The following SGK3 variants were observed in gnomAD, a reference collection of about 807,000 sequenced individuals.
SGK3 encodes serum/glucocorticoid regulated kinase family member 3, also known as serine/threonine-protein kinase Sgk3.
A neutral mutation model predicts 68.5 loss-of-function variants in SGK3; 47 were observed. The observed-to-expected ratio is 0.69, with a 90% CI of 0.54 to 0.87. SGK3 has a LOEUF of 0.87. Ranked by LOEUF, SGK3 falls within the 40% of genes least tolerant of loss-of-function variation. SGK3 has a pLI of 0.00. For missense variants in SGK3, 479 were observed against 575.5 expected (o/e 0.83, Z 1.72); for synonymous variants, 181 against 189.1 (o/e 0.96, Z 0.35).
chr8:66,776,020 C>T (rs774399349), intron 1 of SGK3, among the ~76,000 whole-genome samples: 13 of 152,168 alleles, frequency 8.5e-5, no homozygotes, highest in Non-Finnish European at 1.5e-4. Flanking sequence ...CCACAATAAA[C>T]TTTGGCTGTT....
At position 66,861,968 on chromosome 8, in the gene SGK3, C is replaced by T. The variant is rs897755174; in HGVS notation, c.*2387C>T. The T allele has an allele frequency of 7.9e-5, 12 of 152,094 alleles. No homozygotes were observed. The highest frequency in any genetic ancestry group is 2.7e-4 in the African/African-American group (11 of 41,484). The allele number at this position is 152,094 out of a possible 1,614,324, so 9.4% of individuals were successfully genotyped here. A position where few individuals can be genotyped will look rare whatever the true frequency, so the allele number is the denominator to read the frequency against. On this transcript the variant is annotated 3_prime_UTR_variant, in exon 17 of 17. Coordinates refer to ENST00000521198, the MANE Select transcript of SGK3 (RefSeq NM_001033578.3). ...TTTAAAATAGAATTTTGATGTTTCTCAGATCACAAGAAATACAAATCTATA... is the reference window on the plus strand; with the variant it reads ...TTTAAAATAGAATTTTGATGTTTCTTAGATCACAAGAAATACAAATCTATA...
intron 2 of SGK3, among the ~76,000 whole-genome samples, chr8:66,797,945 C>A (rs924330447): frequency 6.6e-6 from 1 of 151,782 alleles, no homozygotes; most frequent in African/African-American, 2.4e-5. Flanking sequence ...TATTTTGTAA[C>A]ATTTGAAAAA....
At chr8:66,857,799 ATGTGTGTGTGTGTG>A (rs111758415) in intron 16 of SGK3, among the ~76,000 whole-genome samples, 190 of 133,816 alleles carry the variant, frequency 1.4e-3, no homozygotes, top group African/African-American at 4.8e-3. Context: ...GTGTGTGTGT[ATGTGTGTGTGTGTG>A]TGTGTGTGTG....
intron 3 of SGK3, among the ~76,000 whole-genome samples, chr8:66,800,202 G>A (rs999620721): frequency 1.3e-5 from 2 of 151,496 alleles, no homozygotes; most frequent in Non-Finnish European, 2.9e-5. Flanking sequence ...TTAGCCAGGC[G>A]TGGTGGTGGG....
At chr8:66,755,929 C>T (rs939581398) in intron 1 of SGK3, among the ~76,000 whole-genome samples, 1 of 151,976 alleles carries the variant, frequency 6.6e-6, no homozygotes, top group African/African-American at 2.4e-5. Context: ...TCACAGAGAG[C>T]GAGAAGGAGT....
intron 6 of SGK3, 90 bp downstream of exon 6, chr8:66,822,549 A>AGTG: frequency 8.0e-7 from 1 of 1,242,964 alleles, no homozygotes; most frequent in Non-Finnish European, 1.1e-6. Flanking sequence ...AAATGAAGTA[A>AGTG]TTTCATCCAT....
At chr8:66,824,684 A>G (rs923065624) in intron 6 of SGK3, among the ~76,000 whole-genome samples, 13 of 152,236 alleles carry the variant, frequency 8.5e-5, no homozygotes, top group Non-Finnish European at 1.6e-4. Context: ...TAAAAACAAT[A>G]TTAGACTCAA....
At chr8:66,734,268 A>G (rs1585644792) in intron 1 of SGK3, among the ~76,000 whole-genome samples, 1 of 94,232 alleles carries the variant, frequency 1.1e-5, no homozygotes, top group South Asian at 3.5e-4. Flanking sequence ...GAAATGATGT[A>G]TGGTGTGATT....
chr8:66,751,646 A>G (rs1448047490), intron 1 of SGK3, among the ~76,000 whole-genome samples: 1 of 152,092 alleles, frequency 6.6e-6, no homozygotes, highest in Non-Finnish European at 1.5e-5. Flanking sequence ...ATCTATCTAC[A>G]CTTAATAAAT....
chr8:66,744,519 ATTTTTT>A (rs55684607), intron 1 of SGK3, among the ~76,000 whole-genome samples: 1 of 21,276 alleles, frequency 4.7e-5, no homozygotes, highest in East Asian at 1.8e-3. Context: ...ATATATATAT[ATTTTTT>A]TTTTTTTTTT....
At chr8:66,731,659 C>T (rs750650910) in intron 1 of SGK3, among the ~76,000 whole-genome samples, 13 of 152,032 alleles carry the variant, frequency 8.6e-5, no homozygotes, top group Non-Finnish European at 1.3e-4. Flanking sequence ...CTCAGCCTCC[C>T]GAGTAGCTGG....
rs71249408 is a variant in SGK3 at position 66,796,321 on chromosome 8, A to ATTTTTTTTTTTTTTTTTTTTT, written c.97-2210_97-2190dup. 1.5e-3 allele frequency among the ~76,000 whole-genome samples: 61 copies of ATTTTTTTTTTTTTTTTTTTTT among 41,352 alleles called. 7 individuals are homozygous for ATTTTTTTTTTTTTTTTTTTTT. Among genetic ancestry groups the ATTTTTTTTTTTTTTTTTTTTT allele is most frequent in the East Asian group, 3.4e-3 (3 of 892 alleles). 27.1% of individuals were successfully genotyped at this position (41,352 alleles called of 152,430 possible). Reference sequence around the variant, plus strand: ...CCAGCTAATTTTTTGTATTTTTTGTATTTTTTTTTTTTTTTTTTTTTTTTT... The same window carrying ATTTTTTTTTTTTTTTTTTTTT: ...CCAGCTAATTTTTTGTATTTTTTGTATTTTTTTTTTTTTTTTTTTTTTTTTTTTTTTTTTTTTTTTTTTTTT... On this transcript the variant is annotated intron_variant, in intron 2 of 16. Transcript: ENST00000521198.
rs1228666233 is a variant in SGK3 at position 66,828,706 on chromosome 8, A to G, written c.467+3A>G. 6.2e-7 allele frequency: 1 copy of G among 1,613,942 alleles called. No individual in the cohort carries two copies. On this transcript the variant is annotated splice_donor_region_variant and intron_variant, in intron 7 of 16. Transcript: ENST00000521198. The stretch of plus-strand genomic sequence containing the variant: ...CTGGGACCGTCTGGAAATCCTCAGT[A>G]TGTTTAATTTGCTTCAAACAATTTT...
intron 16 of SGK3, among the ~76,000 whole-genome samples, chr8:66,854,477 A>G (rs2130756644): frequency 1.3e-5 from 2 of 152,310 alleles, no homozygotes; most frequent in South Asian, 4.1e-4. Context: ...CCATGCTCCA[A>G]GTGGGTCATT....
chr8:66,834,330 C>A (rs1306544479), intron 8 of SGK3, among the ~76,000 whole-genome samples: 2 of 152,098 alleles, frequency 1.3e-5, no homozygotes, highest in Non-Finnish European at 2.9e-5. Flanking sequence ...ATTCTAATTA[C>A]GTGAAATTCA....
chr8:66,812,788 T>C lies in SGK3; in HGVS notation c.254-1065T>C, dbSNP rs567092513. ...TATCCACATTTTACAAGTAAAAATA[T>C]GAGTCTTGGAAAAGTTCAAGGTTAG... On this transcript the variant is annotated intron_variant, in intron 4 of 16. Coordinates refer to ENST00000521198, the MANE Select transcript of SGK3 (RefSeq NM_001033578.3). Among the ~76,000 whole-genome samples the C allele has an allele frequency of 5.3e-5, 8 of 152,286 alleles. No individual in the cohort carries two copies. In the East Asian group the frequency reaches 1.5e-3, roughly 29 times the overall value.
At chr8:66,795,720 T>C (rs1320898031) in intron 2 of SGK3, among the ~76,000 whole-genome samples, 1 of 152,190 alleles carries the variant, frequency 6.6e-6, no homozygotes, top group South Asian at 2.1e-4. Context: ...AAAGGCCCTA[T>C]CTAAATCACC....
At chr8:66,778,485 A>G (rs1046083532) in intron 1 of SGK3, among the ~76,000 whole-genome samples, 1 of 152,104 alleles carries the variant, frequency 6.6e-6, no homozygotes, top group East Asian at 1.9e-4. Context: ...TTTAGTAGAG[A>G]CGGGGTTTCA....
rs542587381 is a variant in SGK3 at position 66,854,386 on chromosome 8, T to G, written c.1320+3466T>G. Among the ~76,000 whole-genome samples, 4 of 152,032 alleles carry G rather than the reference T, an allele frequency of 2.6e-5. No individual in the cohort carries two copies. The South Asian group carries it at 6.2e-4, about 24-fold the overall frequency. ...TAAAGTAAAAGTATAGCATAGAAAA[T>G]AATCCCTAAATTAAAAGTATGGCAT... On this transcript the variant is annotated intron_variant, in intron 16 of 16. Transcript: ENST00000521198.
Sources: allele counts gnomAD v4.1 joint callset (sites outside exome capture counted in the v4.1 genomes callset), GRCh38; gene constraint gnomAD v4.1.1; transcripts MANE v1.5; gene names NCBI Gene and HGNC (gene_info 2026-07-23, HGNC 2026-07-21).